CSMD1: variants seen among roughly 807,000 people sequenced by gnomAD.
The protein encoded by CSMD1 is CUB and Sushi multiple domains 1.
A neutral mutation model predicts 417.5 loss-of-function variants in CSMD1; 213 were observed. That is an observed-to-expected ratio of 0.51 (90% CI 0.46 to 0.57). CSMD1 has a LOEUF of 0.57. Among genes scored for constraint, CSMD1 ranks in the 20% least tolerant of loss-of-function variants. CSMD1 has a pLI of 0.00. For missense variants in CSMD1, 6,923 were observed against 4,529.7 expected, an observed-to-expected ratio of 1.53 and a Z score of -15.17; for synonymous variants, 2,862 against 1,736.8, an observed-to-expected ratio of 1.65 and a Z score of -16.11.
At chr8:4,598,438 G>A (rs1800397560) in intron 2 of CSMD1, among the ~76,000 whole-genome samples, 1 of 152,198 alleles carries the variant, frequency 6.6e-6, no homozygotes, top group Admixed American at 6.5e-5. Context: ...CTATCAGCCA[G>A]GCATGAAATC....
chr8:4,049,608 A>G (rs777085479), intron 3 of CSMD1, among the ~76,000 whole-genome samples: 2 of 152,244 alleles, frequency 1.3e-5, no homozygotes, highest in South Asian at 4.1e-4. Context: ...TTAGGGTTTA[A>G]TATTTCATTG....
chr8:4,218,329 G>C (rs1036178438), intron 3 of CSMD1, among the ~76,000 whole-genome samples: 2 of 152,098 alleles, frequency 1.3e-5, no homozygotes, highest in African/African-American at 4.8e-5. Context: ...ATTCATTAAT[G>C]CAGAATATTC....
intron 5 of CSMD1, among the ~76,000 whole-genome samples, chr8:3,988,795 A>G (rs1375192331): frequency 6.6e-6 from 1 of 152,212 alleles, no homozygotes; most frequent in Non-Finnish European, 1.5e-5. Context: ...ATGGTCAATT[A>G]TATTTCCAAA....
At chr8:4,308,421 G>C (rs541158951) in intron 3 of CSMD1, among the ~76,000 whole-genome samples, 6 of 152,040 alleles carry the variant, frequency 3.9e-5, no homozygotes, top group African/African-American at 1.2e-4. Context: ...GTGTTATGTG[G>C]AAAGTCTGAT....
At chr8:3,479,548 G>T (rs992418625) in intron 11 of CSMD1, among the ~76,000 whole-genome samples, 4 of 152,194 alleles carry the variant, frequency 2.6e-5, no homozygotes, top group Non-Finnish European at 5.9e-5. Flanking sequence ...CCAAAGTGCT[G>T]GGATTACAGG....
In CSMD1 at chr8:3,931,353, C is replaced by A. The variant is rs534909026; in HGVS notation, c.818+66550G>T. ...AGCAGAAAAGGGCCACTCTCTCTCCCTCCCTCATTTCTCAGGCTTCTATTT... is the reference window on the plus strand; with the variant it reads ...AGCAGAAAAGGGCCACTCTCTCTCCATCCCTCATTTCTCAGGCTTCTATTT... On this transcript the variant is annotated intron_variant, in intron 5 of 69. Transcript: ENST00000635120. 2.5e-4 allele frequency among the ~76,000 whole-genome samples: 37 copies of A among 150,670 alleles called. 4 individuals are homozygous for A. Among genetic ancestry groups the A allele is most frequent in the Admixed American group, 1.2e-3 (18 of 15,158 alleles).
At chr8:3,753,873 G>T (rs911663056) in intron 6 of CSMD1, 57 bp downstream of exon 6, 3 of 1,242,914 alleles carry the variant, frequency 2.4e-6, no homozygotes, top group African/African-American at 3.0e-5. Flanking sequence ...GGCTAGAAAG[G>T]ATCAAAATAT....
At chr8:3,252,784 G>C (rs1800369430) in intron 26 of CSMD1, among the ~76,000 whole-genome samples, 1 of 152,166 alleles carries the variant, frequency 6.6e-6, no homozygotes, top group Non-Finnish European at 1.5e-5. Flanking sequence ...TCCTCGTTTA[G>C]TCTTGGGAGG....
At chr8:4,381,034 G>T (rs879940960) in intron 3 of CSMD1, among the ~76,000 whole-genome samples, 3 of 152,120 alleles carry the variant, frequency 2.0e-5, no homozygotes, top group Non-Finnish European at 4.4e-5. Flanking sequence ...ATGGGAAATG[G>T]GTTAAGGAAT....
At chr8:3,285,547 C>T (rs180773340) in intron 25 of CSMD1, among the ~76,000 whole-genome samples, 74 of 151,892 alleles carry the variant, frequency 4.9e-4, no homozygotes, top group African/African-American at 1.6e-3. Flanking sequence ...CTGTCATGTT[C>T]AGTTATTATT....
At chr8:4,370,544 C>T (rs1009956183) in intron 3 of CSMD1, among the ~76,000 whole-genome samples, 2 of 152,190 alleles carry the variant, frequency 1.3e-5, no homozygotes, top group African/African-American at 2.4e-5. Flanking sequence ...TCTCAAGTTT[C>T]TTGCTCTCTT....
chr8:4,961,525 G>C (rs1033935670), intron 1 of CSMD1, among the ~76,000 whole-genome samples: 1 of 152,114 alleles, frequency 6.6e-6, no homozygotes, highest in African/African-American at 2.4e-5. Flanking sequence ...AGTTTGGCTA[G>C]TTTGAAAATT....
intron 4 of CSMD1, among the ~76,000 whole-genome samples, chr8:4,005,896 G>C (rs183722515): frequency 2.0e-5 from 3 of 152,098 alleles, no homozygotes; most frequent in Admixed American, 1.3e-4. Flanking sequence ...AAAATCACTG[G>C]GAATTGGCTT....
At chr8:3,791,318 GTATAGTAGA>G (rs1284204091) in intron 5 of CSMD1, among the ~76,000 whole-genome samples, 1 of 152,142 alleles carries the variant, frequency 6.6e-6, no homozygotes, top group Non-Finnish European at 1.5e-5. Flanking sequence ...CTGAATTTAA[GTATAGTAGA>G]ATTTCATAGG....
intron 11 of CSMD1, among the ~76,000 whole-genome samples, chr8:3,483,058 C>G (rs148404466): frequency 9.3e-4 from 141 of 151,998 alleles, no homozygotes; most frequent in African/African-American, 3.3e-3. Flanking sequence ...AAGTTCCTAC[C>G]TCAAGATTCT....
intron 2 of CSMD1, among the ~76,000 whole-genome samples, chr8:4,447,450 A>T (rs1798880711): frequency 6.6e-6 from 1 of 152,200 alleles, no homozygotes; most frequent in Admixed American, 6.5e-5. Context: ...GAAGGAGTAG[A>T]ATTTATATTA....
intron 26 of CSMD1, among the ~76,000 whole-genome samples, chr8:3,233,399 G>A (rs907514520): frequency 2.0e-5 from 3 of 152,224 alleles, no homozygotes; most frequent in Non-Finnish European, 4.4e-5. Context: ...AGGGCCAGAT[G>A]TGGTCCCTCG....
At position 4,994,817 on chromosome 8, in the gene CSMD1, A is replaced by T; in HGVS notation, c.-401T>A. On this transcript the variant is annotated 5_prime_UTR_variant, in exon 1 of 70. Coordinates refer to ENST00000635120, the MANE Select transcript of CSMD1 (RefSeq NM_033225.6). The stretch of plus-strand genomic sequence containing the variant: ...GAGCCAGCGAGTGGGAGATGCGGGG[A>T]GGGGGGCGCGGGGGGGAGGAGAGAT... 7 of 120,556 alleles carry T rather than the reference A, an allele frequency of 5.8e-5. No homozygotes were observed. The highest frequency in any genetic ancestry group is 1.7e-4 in the Admixed American group (2 of 11,834). 7.5% of individuals were successfully genotyped at this position (120,556 alleles called of 1,614,324 possible). A position where few individuals can be genotyped will look rare whatever the true frequency, so the allele number is the denominator to read the frequency against.
intron 3 of CSMD1, among the ~76,000 whole-genome samples, chr8:4,313,269 T>G (rs956238377): frequency 6.6e-6 from 1 of 152,054 alleles, no homozygotes; most frequent in African/African-American, 2.4e-5. Flanking sequence ...TTTCCTCTAG[T>G]GCCCCAGGAA....
Sources: gnomAD v4.1 joint callset for allele counts (sites outside exome capture counted in the v4.1 genomes callset) on GRCh38, gnomAD v4.1.1 for gene constraint, MANE v1.5 for transcripts, NCBI Gene and HGNC (gene_info 2026-07-23, HGNC 2026-07-21) for gene names.